The following SMYD3 variants were observed in gnomAD, a reference collection of about 807,000 sequenced individuals.
SMYD3 encodes the protein SET and MYND domain containing 3.
A neutral mutation model predicts 57.7 loss-of-function variants in SMYD3; 36 were observed. That is an observed-to-expected ratio of 0.62 (90% CI 0.48 to 0.82). The LOEUF is 0.82. Among genes scored for constraint, SMYD3 ranks in the 40% least tolerant of loss-of-function variants. SMYD3 has a pLI of 0.00. For synonymous variants in SMYD3, 211 were observed against 195.0 expected (o/e 1.08, Z -0.68); for missense variants, 515 against 538.8 (o/e 0.96, Z 0.44).
intron 5 of SMYD3, among the ~76,000 whole-genome samples, chr1:246,319,116 C>A (rs747135574): frequency 7.9e-5 from 12 of 152,172 alleles, no homozygotes; most frequent in Non-Finnish European, 1.6e-4. Flanking sequence ...CTTCGAGATT[C>A]AATCTGTTGT....
At chr1:246,328,304 A>C (rs2065391469) in intron 4 of SMYD3, among the ~76,000 whole-genome samples, 1 of 152,218 alleles carries the variant, frequency 6.6e-6, no homozygotes, top group African/African-American at 2.4e-5. Context: ...ACCCCCTTAA[A>C]TATCATTTTC....
intron 5 of SMYD3, among the ~76,000 whole-genome samples, chr1:246,175,644 A>ACAGAG (rs1202801143): frequency 6.6e-6 from 1 of 152,170 alleles, no homozygotes; most frequent in Non-Finnish European, 1.5e-5. Flanking sequence ...ATTTGGGGAA[A>ACAGAG]CAGAGTATCT....
At chr1:245,961,235 G>A (rs1251653391) in intron 5 of SMYD3, among the ~76,000 whole-genome samples, 3 of 152,154 alleles carry the variant, frequency 2.0e-5, no homozygotes, top group Non-Finnish European at 4.4e-5. Context: ...CATAGAAACA[G>A]GGTCAACCCT....
At chr1:245,771,835 G>GA (rs969284470) in intron 10 of SMYD3, among the ~76,000 whole-genome samples, 2 of 150,874 alleles carry the variant, frequency 1.3e-5, no homozygotes, top group Non-Finnish European at 3.0e-5. Flanking sequence ...TGCTGGGAGG[G>GA]AAAAAAAAGG....
At chr1:245,791,806 G>T (rs1470520605) in intron 10 of SMYD3, among the ~76,000 whole-genome samples, 1 of 152,130 alleles carries the variant, frequency 6.6e-6, no homozygotes, top group Non-Finnish European at 1.5e-5. Flanking sequence ...TCTGATTTCT[G>T]TCTCTAGAAT....
chr1:245,749,639 T>C lies in SMYD3; in HGVS notation c.1211A>G (p.His404Arg). ...RLAFDIMRVT[H>R]GREHSLIEDL... ...TTCAATCAGGCTGTGTTCTCTGCCA[T>C]GTGTCACTCTCATAATATCAAAAGC... Residue 404 changes from histidine to arginine, a missense_variant, in exon 12 of 12, where the codon CAT (histidine) becomes CGT (arginine). By Grantham distance (29) the His-to-Arg change is conservative. Transcript: ENST00000490107. 1 of 1,614,090 alleles carries C rather than the reference T, an allele frequency of 6.2e-7. No individual in the cohort carries two copies. Among genetic ancestry groups the C allele is most frequent in the East Asian group, 2.2e-5 (1 of 44,876 alleles).
chr1:245,847,520 C>T (rs2050728285), intron 10 of SMYD3, among the ~76,000 whole-genome samples: 1 of 152,078 alleles, frequency 6.6e-6, no homozygotes, highest in Admixed American at 6.5e-5. Context: ...AAGTTTTATC[C>T]TTCATTACCC....
chr1:246,048,022 G>A (rs1401775414), intron 5 of SMYD3, among the ~76,000 whole-genome samples: 9 of 152,026 alleles, frequency 5.9e-5, no homozygotes, highest in Admixed American at 2.0e-4. Context: ...GAAAATATCC[G>A]TAAAATGTTG....
intron 5 of SMYD3, among the ~76,000 whole-genome samples, chr1:246,161,533 G>A (rs2148200498): frequency 6.6e-6 from 1 of 152,116 alleles, no homozygotes; most frequent in East Asian, 1.9e-4. Context: ...ATGTTCCCCA[G>A]CCCCCGTCTA....
chr1:246,119,425 T>A (rs1174498342), intron 5 of SMYD3, among the ~76,000 whole-genome samples: 3 of 150,888 alleles, frequency 2.0e-5, no homozygotes, highest in African/African-American at 7.3e-5. Flanking sequence ...TTTTTTTTTT[T>A]TTTTTGAGAT....
intron 8 of SMYD3, among the ~76,000 whole-genome samples, chr1:245,875,894 G>A (rs1572569089): frequency 6.6e-6 from 1 of 152,158 alleles, no homozygotes; most frequent in Admixed American, 6.5e-5. Flanking sequence ...CTTTTCCGGA[G>A]GTAAACAAAC....
chr1:246,274,120 G>A (rs545026761), intron 5 of SMYD3, among the ~76,000 whole-genome samples: 2 of 152,072 alleles, frequency 1.3e-5, no homozygotes, highest in South Asian at 2.1e-4. Context: ...CTGTGTATTC[G>A]AGTCAAAAGA....
chr1:246,254,075 T>C (rs918468698), intron 5 of SMYD3, among the ~76,000 whole-genome samples: 1 of 152,240 alleles, frequency 6.6e-6, no homozygotes, highest in Non-Finnish European at 1.5e-5. Context: ...ATGTGTAGTT[T>C]GCCAACATTT....
chr1:245,796,706 T>C (rs1204094429), intron 10 of SMYD3, among the ~76,000 whole-genome samples: 1 of 152,208 alleles, frequency 6.6e-6, no homozygotes, highest in Non-Finnish European at 1.5e-5. Context: ...CATATTCTCA[T>C]GTGAGTGTGG....
At chr1:246,128,693 C>A (rs2061542964) in intron 5 of SMYD3, among the ~76,000 whole-genome samples, 1 of 152,202 alleles carries the variant, frequency 6.6e-6, no homozygotes, top group Non-Finnish European at 1.5e-5. Flanking sequence ...CTCGCCACAA[C>A]AGAAACTCAG....
chr1:246,495,088 G>A (rs936598409), intron 1 of SMYD3, among the ~76,000 whole-genome samples: 1 of 152,100 alleles, frequency 6.6e-6, no homozygotes. Flanking sequence ...GGTGGCTCAC[G>A]CCTGTAATCC....
chr1:245,763,459 A>G (rs2045940271), intron 11 of SMYD3, among the ~76,000 whole-genome samples: 1 of 152,206 alleles, frequency 6.6e-6, no homozygotes, highest in Non-Finnish European at 1.5e-5. Context: ...TGCCAAGCCC[A>G]GGGGGTTGTG....
chr1:246,495,496 G>A (rs920646752), intron 1 of SMYD3, among the ~76,000 whole-genome samples: 20 of 152,122 alleles, frequency 1.3e-4, no homozygotes, highest in African/African-American at 4.3e-4. Context: ...GAGAACCAAC[G>A]AGTTACAAGG....
At chr1:245,793,473 C>T (rs1331834772) in intron 10 of SMYD3, among the ~76,000 whole-genome samples, 2 of 152,158 alleles carry the variant, frequency 1.3e-5, no homozygotes, top group African/African-American at 2.4e-5. Context: ...ACTGCCAAGG[C>T]TCCGGCTTGC....
Sources: allele counts gnomAD v4.1 joint callset (sites outside exome capture counted in the v4.1 genomes callset), GRCh38; gene constraint gnomAD v4.1.1; transcripts MANE v1.5; gene names NCBI Gene and HGNC (gene_info 2026-07-23, HGNC 2026-07-21).